The following ATRNL1 variants were observed in gnomAD, a reference collection of about 807,000 sequenced individuals.
The protein encoded by ATRNL1 is attractin like 1.
ATRNL1 carries 95 observed loss-of-function variants against 182.7 expected under a neutral mutation model. The ratio of observed to expected loss-of-function variants is 0.52; its 90% CI spans 0.44 to 0.62. The LOEUF (loss-of-function observed/expected upper bound fraction) is 0.62, where lower values mean the gene tolerates loss of function less well. Ranked by LOEUF, ATRNL1 falls within the 20% of genes least tolerant of loss-of-function variation. The probability of loss-of-function intolerance (pLI) is 0.00; values close to 1 mark genes in which losing one functional copy is unlikely to be tolerated. For synonymous variants in ATRNL1, 576 were observed against 568.3 expected, an observed-to-expected ratio of 1.01 and a Z score of -0.19; for missense variants, 1,471 against 1,679.5, an observed-to-expected ratio of 0.88 and a Z score of 2.17.
intron 27 of ATRNL1, among the ~76,000 whole-genome samples, chr10:115,810,638 A>G (rs1555086783): frequency 5.9e-5 from 9 of 151,944 alleles, no homozygotes; most frequent in Non-Finnish European, 1.5e-5. Flanking sequence ...GTGTTTATAC[A>G]TGTGAATATA....
chr10:115,880,786 A>G (rs1555108380), intron 28 of ATRNL1, among the ~76,000 whole-genome samples: 5 of 152,182 alleles, frequency 3.3e-5, no homozygotes, highest in Non-Finnish European at 1.5e-5. Context: ...ACGAGTAGTT[A>G]AACCCTTTAT....
chr10:115,114,639 A>G (rs1554869301), intron 1 of ATRNL1, among the ~76,000 whole-genome samples: 1 of 152,172 alleles, frequency 6.6e-6, no homozygotes. Flanking sequence ...ATATGAAAAC[A>G]TGCTCAACAT....
intron 9 of ATRNL1, 66 bp downstream of exon 9, chr10:115,215,946 G>T: frequency 1.6e-6 from 2 of 1,239,536 alleles, no homozygotes; most frequent in Non-Finnish European, 2.2e-6. Context: ...ACTTTAAAAT[G>T]GTTTCTGACA....
intron 13 of ATRNL1, among the ~76,000 whole-genome samples, chr10:115,269,883 T>TC (rs1851767957): frequency 7.6e-6 from 1 of 131,532 alleles, no homozygotes; most frequent in Non-Finnish European, 1.7e-5. Context: ...GTTTTATGAC[T>TC]TTAATTTTCA....
intron 26 of ATRNL1, among the ~76,000 whole-genome samples, chr10:115,673,622 A>G (rs991438574): frequency 1.1e-4 from 17 of 152,128 alleles, no homozygotes; most frequent in African/African-American, 3.4e-4. Flanking sequence ...TAGATAATAT[A>G]AAAGTAAAGC....
chr10:115,633,898 A>T (rs1341673404), intron 26 of ATRNL1, among the ~76,000 whole-genome samples: 1 of 152,124 alleles, frequency 6.6e-6, no homozygotes, highest in African/African-American at 2.4e-5. Context: ...TATATTTGCT[A>T]GTAGTTGTAG....
At chr10:115,549,314 T>C (rs1554994831) in intron 25 of ATRNL1, 144 bp from the exon 26 acceptor site, 1 of 447,100 alleles carries the variant, frequency 2.2e-6, no homozygotes, top group Non-Finnish European at 3.7e-6. Flanking sequence ...ATTTTAAGCA[T>C]TGGAAATTTA....
intron 28 of ATRNL1, among the ~76,000 whole-genome samples, chr10:115,853,265 AT>A (rs1330749723): frequency 2.0e-5 from 3 of 152,226 alleles, no homozygotes; most frequent in Non-Finnish European, 2.9e-5. Context: ...GTGACTAAAA[AT>A]AATTAGCATT....
intron 26 of ATRNL1, among the ~76,000 whole-genome samples, chr10:115,658,778 A>G (rs1407487617): frequency 1.3e-5 from 2 of 152,200 alleles, no homozygotes; most frequent in Non-Finnish European, 2.9e-5. Flanking sequence ...CATCTGTATC[A>G]GTCCATTCTC....
chr10:115,149,876 C>CTTTTTTTT, intron 5 of ATRNL1, among the ~76,000 whole-genome samples: 1 of 123,282 alleles, frequency 8.1e-6, no homozygotes, highest in Non-Finnish European at 1.8e-5. Flanking sequence ...TCTCCTTTTC[C>CTTTTTTTT]TTTTTTTTTT....
At chr10:115,699,490 A>AC (rs1946666157) in intron 26 of ATRNL1, among the ~76,000 whole-genome samples, 1 of 152,092 alleles carries the variant, frequency 6.6e-6, no homozygotes, top group South Asian at 2.1e-4. Context: ...TCAACAACAA[A>AC]CTCACATAGA....
intron 27 of ATRNL1, among the ~76,000 whole-genome samples, chr10:115,758,921 G>A (rs1253705792): frequency 6.6e-6 from 1 of 152,218 alleles, no homozygotes; most frequent in Non-Finnish European, 1.5e-5. Flanking sequence ...GTACTTTATA[G>A]AGTAGATGCA....
rs1554916715 is a variant in ATRNL1 at position 115,281,361 on chromosome 10, A to G, written c.2107A>G (p.Lys703Glu). 3 of 1,611,698 alleles carry G rather than the reference A, an allele frequency of 1.9e-6. No individual in the cohort carries two copies. Among genetic ancestry groups the G allele is most frequent in the Admixed American group, 1.7e-5 (1 of 59,646 alleles). Residue 703 changes from lysine (K) to glutamate (E), a missense_variant, in exon 14 of 29, where the codon AAG becomes GAG. Lys to Glu is a moderately conservative substitution (Grantham distance 56). This residue lies in a region of ATRNL1 where 1,031 missense variants were observed against 1,156.0 expected (regional missense o/e 0.89). Coordinates refer to ENST00000355044, the MANE Select transcript of ATRNL1 (RefSeq NM_207303.4). ...TGCTCTTTTAATTTTGTAGTCTGTC[A>G]AGAACTACACCAAATGTCATGTGAG... ...SANSNCSMSV[K>E]NYTKCHVRNE...
In ATRNL1 at chr10:115,404,571, T is replaced by C. The variant is rs567482399; in HGVS notation, c.3269+9819T>C. 1.1e-4 allele frequency among the ~76,000 whole-genome samples: 17 copies of C among 152,324 alleles called. No individual in the cohort carries two copies. In the East Asian group the frequency reaches 3.3e-3, roughly 29 times the overall value. On this transcript the variant is annotated intron_variant, in intron 20 of 28. Transcript: ENST00000355044. ...GTCTTCAAGCTGGAATCAAACTTATTGTATAGAACTGCTGAGATTTTAAGG... is the reference window on the plus strand; with the variant it reads ...GTCTTCAAGCTGGAATCAAACTTATCGTATAGAACTGCTGAGATTTTAAGG...
chr10:115,774,357 G>A (rs182602417), intron 27 of ATRNL1, among the ~76,000 whole-genome samples: 105 of 143,810 alleles, frequency 7.3e-4, no homozygotes, highest in African/African-American at 2.4e-3. Context: ...CCCAGGCCAC[G>A]GAAGTTGCGG....
At chr10:115,859,452 G>C (rs1466745357) in intron 28 of ATRNL1, among the ~76,000 whole-genome samples, 1 of 152,086 alleles carries the variant, frequency 6.6e-6, no homozygotes, top group Admixed American at 6.5e-5. Context: ...TTACCAGCAG[G>C]CAGTACTGCA....
At position 115,426,276 on chromosome 10, in the gene ATRNL1, G is replaced by A; in HGVS notation, c.3296G>A (p.Gly1099Asp). The part of the protein sequence containing the change: ...QLCDSENRYV[G>D]NPLRGTCYYS... ...TGTGACTCTGAAAATCGCTATGTTGGTAATCCACTTAGAGGAACATGTTAT... is the reference window on the plus strand; with the variant it reads ...TGTGACTCTGAAAATCGCTATGTTGATAATCCACTTAGAGGAACATGTTAT... Residue 1099 changes from glycine to aspartate, a missense_variant, in exon 21 of 29, where the codon GGT becomes GAT. Coordinates refer to ENST00000355044, the MANE Select transcript of ATRNL1 (RefSeq NM_207303.4). 1 of 1,611,948 alleles carries A rather than the reference G, an allele frequency of 6.2e-7. No homozygotes were observed. Among genetic ancestry groups the A allele is most frequent in the Non-Finnish European group, 8.5e-7 (1 of 1,178,642 alleles).
At chr10:115,423,615 G>C (rs1473132305) in intron 20 of ATRNL1, among the ~76,000 whole-genome samples, 1 of 152,068 alleles carries the variant, frequency 6.6e-6, no homozygotes, top group Non-Finnish European at 1.5e-5. Context: ...AAAGAACCCA[G>C]AAATAAATAC....
intron 26 of ATRNL1, among the ~76,000 whole-genome samples, chr10:115,657,097 A>G (rs960852211): frequency 4.6e-5 from 7 of 152,174 alleles, no homozygotes; most frequent in African/African-American, 1.4e-4. Flanking sequence ...GTTTCCAAGG[A>G]CATATCAATA....
Sources: gnomAD v4.1 joint callset for allele counts (sites outside exome capture counted in the v4.1 genomes callset) on GRCh38, gnomAD v4.1.1 for gene constraint, gnomAD v4.1.1 regional missense constraint, MANE v1.5 for transcripts, NCBI Gene and HGNC (gene_info 2026-07-23, HGNC 2026-07-21) for gene names.